Variants in TENM1 observed in about 807,000 individuals in gnomAD.
TENM1 encodes teneurin transmembrane protein 1, also known as teneurin-1.
In TENM1, 35 loss-of-function variants were observed where a neutral mutation model predicts 174.8. The observed-to-expected ratio is 0.20, with a 90% CI of 0.15 to 0.27. TENM1 has a LOEUF of 0.27. Ranked by LOEUF, TENM1 falls within the 10% of genes least tolerant of loss-of-function variation. TENM1 has a pLI of 1.00. For synonymous variants in TENM1, 781 were observed against 798.7 expected (o/e 0.98, Z 0.37); for missense variants, 1,633 against 2,130.1 (o/e 0.77, Z 4.59).
chrX:125,172,687 A>T, the TENM1 span, among the ~76,000 whole-genome samples: 2 of 29,614 alleles, frequency 6.8e-5, no homozygotes, highest in African/African-American at 8.6e-4. Context: ...TAACATATCT[A>T]TTATAGACTT....
chrX:125,044,212 T>TAAAAAAAAAAAAAAAAA, the TENM1 span, among the ~76,000 whole-genome samples: 1 of 74,838 alleles, frequency 1.3e-5, no homozygotes, highest in Admixed American at 1.4e-4. Context: ...TAAAAAAAAA[T>TAAAAAAAAAAAAAAAAA]AAAAAAAAAA....
At chrX:124,657,156 T>C (rs2051466885) in intron 6 of TENM1, among the ~76,000 whole-genome samples, 2 of 111,741 alleles carry the variant, frequency 1.8e-5, no homozygotes, top group Admixed American at 9.5e-5. Context: ...TACTAAAGCA[T>C]ACTGGAAAAC....
intron 3 of TENM1, among the ~76,000 whole-genome samples, chrX:124,865,253 T>TAGAAAG (rs2056981224): frequency 8.9e-6 from 1 of 112,028 alleles, no homozygotes; most frequent in Non-Finnish European, 1.9e-5. Flanking sequence ...ACTACTCTTA[T>TAGAAAG]TCTAAGTAGA....
chrX:124,378,197 G>A (rs2060122442), exon 32 of TENM1: 1 of 112,110 alleles, frequency 8.9e-6, no homozygotes, highest in Non-Finnish European at 1.9e-5. Context: ...TCACTATTAA[G>A]TAAAAGCTTC....
chrX:124,548,227 A>G (rs758573903), intron 14 of TENM1, among the ~76,000 whole-genome samples: 34 of 111,883 alleles, frequency 3.0e-4, no homozygotes, highest in Non-Finnish European at 6.0e-4. Context: ...AGACTGCTGA[A>G]TCCACTGTTG....
In TENM1 at chrX:124,397,005, G is replaced by A. The variant is rs762029412; in HGVS notation, c.5392-4657C>T. ...TTTTAATAAGGGAAGATGGATCTACGCTGTAATGCATCCTTCGGTTTCCCT... is the reference window on the plus strand; with the variant it reads ...TTTTAATAAGGGAAGATGGATCTACACTGTAATGCATCCTTCGGTTTCCCT... On this transcript the variant is annotated intron_variant, in intron 27 of 31. Coordinates refer to ENST00000422452, the Ensembl canonical transcript of TENM1. Among the ~76,000 whole-genome samples the A allele has an allele frequency of 4.5e-5, 5 of 111,442 alleles. No homozygotes were observed. In the South Asian group the frequency reaches 1.9e-3, roughly 43 times the overall value.
At chrX:125,044,193 G>A in the TENM1 span, among the ~76,000 whole-genome samples, 535 of 57,712 alleles carry the variant, frequency 9.3e-3, 3 homozygotes, top group Non-Finnish European at 0.013. Context: ...AAAAAAAAAA[G>A]ATTAAAAATA....
At chrX:125,023,776 C>G in the TENM1 span, among the ~76,000 whole-genome samples, 1 of 111,429 alleles carries the variant, frequency 9.0e-6, no homozygotes, top group African/African-American at 3.3e-5. Flanking sequence ...CTCTTACTAT[C>G]CATTAAAATA....
the TENM1 span, among the ~76,000 whole-genome samples, chrX:125,039,853 T>G: frequency 9.0e-6 from 1 of 111,591 alleles, no homozygotes; most frequent in African/African-American, 3.2e-5. Context: ...ATTGAATGTA[T>G]TTCTTGGTAA....
chrX:124,704,958 A>C (rs767103124), intron 5 of TENM1, 55 bp downstream of exon 8: 6 of 1,003,004 alleles, frequency 6.0e-6, no homozygotes, highest in Non-Finnish European at 8.3e-6. Flanking sequence ...TCCCACCACA[A>C]GCAAAACAAG....
intron 11 of TENM1, among the ~76,000 whole-genome samples, chrX:124,606,482 CTT>C (rs1249582486): frequency 9.0e-6 from 1 of 111,438 alleles, no homozygotes. Context: ...TTGGACAAGA[CTT>C]AATATTTCTG....
At chrX:124,398,278 C>T (rs1373087109) in intron 27 of TENM1, among the ~76,000 whole-genome samples, 2 of 109,246 alleles carry the variant, frequency 1.8e-5, no homozygotes, top group Non-Finnish European at 3.8e-5. Flanking sequence ...CTACTTTACT[C>T]TCACTAGTTT....
intron 3 of TENM1, among the ~76,000 whole-genome samples, chrX:124,828,327 G>C (rs770620351): frequency 2.2e-4 from 25 of 111,763 alleles, no homozygotes; most frequent in Non-Finnish European, 4.7e-4. Context: ...ACAATTCTTA[G>C]ATCTATTTGG....
At chrX:124,577,235 G>T (rs754810916) in intron 11 of TENM1, among the ~76,000 whole-genome samples, 19 of 111,526 alleles carry the variant, frequency 1.7e-4, no homozygotes, top group South Asian at 3.8e-4. Flanking sequence ...CCTGAATGCA[G>T]AAGGTGTGTT....
At chrX:125,143,798 T>C in the TENM1 span, among the ~76,000 whole-genome samples, 1 of 111,911 alleles carries the variant, frequency 8.9e-6, no homozygotes, top group Admixed American at 9.5e-5. Flanking sequence ...GGGAAAATAG[T>C]CAAATCTAGA....
intron 11 of TENM1, among the ~76,000 whole-genome samples, chrX:124,614,150 C>T (rs971629186): frequency 1.3e-4 from 14 of 111,664 alleles, no homozygotes; most frequent in Non-Finnish European, 2.4e-4. Context: ...TGAAGCCTCT[C>T]ATAATATGGA....
At chrX:124,661,318 T>C (rs970319524) in intron 6 of TENM1, among the ~76,000 whole-genome samples, 1 of 112,315 alleles carries the variant, frequency 8.9e-6, no homozygotes, top group African/African-American at 3.2e-5. Context: ...TATTATGCTA[T>C]ATAAACTATA....
chrX:124,387,584 T>C (rs1411113769), intron 28 of TENM1, among the ~76,000 whole-genome samples: 2 of 112,220 alleles, frequency 1.8e-5, no homozygotes, highest in Non-Finnish European at 3.8e-5. Context: ...TGAATGTGAA[T>C]TACACAAGTA....
At chrX:124,824,285 G>GA in intron 3 of TENM1, among the ~76,000 whole-genome samples, 1 of 112,134 alleles carries the variant, frequency 8.9e-6, no homozygotes, top group Non-Finnish European at 1.9e-5. Flanking sequence ...AGGAAAAAAA[G>GA]AAAAATAATT....
Sources: allele counts gnomAD v4.1 joint callset (sites outside exome capture counted in the v4.1 genomes callset), GRCh38; gene constraint gnomAD v4.1.1; transcripts MANE v1.5; gene names NCBI Gene and HGNC (gene_info 2026-07-23, HGNC 2026-07-21).